NFILZ: variants seen among roughly 807,000 people sequenced by gnomAD.
The protein encoded by NFILZ is NFIL3 like basic leucine zipper.
At chr19:8,657,482 G>A (rs782269010) in intron 3 of NFILZ, among the ~76,000 whole-genome samples, 1 of 152,006 alleles carries the variant, frequency 6.6e-6, no homozygotes, top group Admixed American at 6.6e-5. Context: ...TGATGGTTGC[G>A]GGGACGTGAC....
chr19:8,669,335 T>C (rs1172138419), intron 3 of NFILZ, among the ~76,000 whole-genome samples: 6 of 152,198 alleles, frequency 3.9e-5, no homozygotes, highest in Non-Finnish European at 8.8e-5. Context: ...CTTACCTTAT[T>C]TATTCCTTAT....
chr19:8,666,189 A>G (rs781960803), intron 3 of NFILZ, among the ~76,000 whole-genome samples: 80 of 152,086 alleles, frequency 5.3e-4, no homozygotes, highest in Non-Finnish European at 6.9e-4. Context: ...AAGTCTTCAT[A>G]GGAGACTATG....
intron 3 of NFILZ, among the ~76,000 whole-genome samples, chr19:8,652,431 G>A (rs149332538): frequency 5.9e-5 from 9 of 152,268 alleles, no homozygotes; most frequent in African/African-American, 1.9e-4. Context: ...TGAAACCAGC[G>A]GAGCATTGCA....
At chr19:8,654,026 T>C (rs2042980911) in intron 3 of NFILZ, among the ~76,000 whole-genome samples, 1 of 151,846 alleles carries the variant, frequency 6.6e-6, no homozygotes, top group African/African-American at 2.4e-5. Context: ...GTCAGGAGTT[T>C]GAGAACCAGC....
intron 3 of NFILZ, among the ~76,000 whole-genome samples, chr19:8,653,788 G>A (rs2042979874): frequency 6.6e-6 from 1 of 152,214 alleles, no homozygotes; most frequent in African/African-American, 2.4e-5. Context: ...CAAACGCATA[G>A]AATGGCATCA....
chr19:8,647,927 C>T (rs546159554), intron 3 of NFILZ, among the ~76,000 whole-genome samples: 1 of 151,832 alleles, frequency 6.6e-6, no homozygotes, highest in Admixed American at 6.6e-5. Context: ...AATCCCAGCA[C>T]TTTGGGAGGC....
intron 1 of NFILZ, among the ~76,000 whole-genome samples, chr19:8,632,100 C>G (rs1555745617): frequency 6.6e-6 from 1 of 151,978 alleles, no homozygotes; most frequent in African/African-American, 2.4e-5. Flanking sequence ...AACTCCTGAC[C>G]TCAGGTGATC....
intron 3 of NFILZ, among the ~76,000 whole-genome samples, chr19:8,646,796 G>A (rs2042940842): frequency 6.6e-6 from 1 of 152,202 alleles, no homozygotes; most frequent in South Asian, 2.1e-4. Context: ...TGTCTAAAAT[G>A]CCCTTCCTCT....
chr19:8,662,803 A>AT (rs797040601), intron 3 of NFILZ, among the ~76,000 whole-genome samples: 12 of 149,448 alleles, frequency 8.0e-5, no homozygotes, highest in African/African-American at 3.0e-4. Context: ...TGCCCAGCTA[A>AT]TTTTTGCATT....
intron 3 of NFILZ, among the ~76,000 whole-genome samples, chr19:8,646,640 C>T (rs561044171): frequency 2.0e-5 from 3 of 152,254 alleles, no homozygotes; most frequent in South Asian, 2.1e-4. Context: ...CCACTGTGGC[C>T]GGCAAGCCCT....
chr19:8,672,454 C>A (rs531069814), intron 3 of NFILZ, among the ~76,000 whole-genome samples: 2 of 144,548 alleles, frequency 1.4e-5, no homozygotes, highest in African/African-American at 5.1e-5. Context: ...TTAGTTCATT[C>A]AAAAAATCCA....
intron 3 of NFILZ, among the ~76,000 whole-genome samples, chr19:8,643,534 A>G (rs35848744): frequency 0.14 from 21,360 of 152,222 alleles, 1,641 homozygotes; most frequent in Non-Finnish European, 0.17. Flanking sequence ...GTGCTCCCCA[A>G]TGTGGGCAGA....
chr19:8,675,787 G>A lies in NFILZ; in HGVS notation c.-113-572G>A, dbSNP rs147343964. ...CTCTAAAAAAATTGCTTTTTTGTTG[G>A]TTGGATGAATGGATGGACCCATGGA... is the stretch of plus-strand genomic sequence containing the variant. On this transcript the variant is annotated intron_variant, in intron 4 of 5. Coordinates refer to ENST00000691075, the MANE Select transcript of NFILZ (RefSeq NM_001378600.1). Among the ~76,000 whole-genome samples the A allele has an allele frequency of 1.8e-3, 274 of 152,212 alleles. 1 individual carries two copies. Among genetic ancestry groups the A allele is most frequent in the African/African-American group, 6.3e-3 (260 of 41,536 alleles).
chr19:8,664,056 G>A (rs2043050213), intron 3 of NFILZ, among the ~76,000 whole-genome samples: 1 of 152,116 alleles, frequency 6.6e-6, no homozygotes, highest in Non-Finnish European at 1.5e-5. Flanking sequence ...AATTTTGCTG[G>A]GAGTGAGTTT....
chr19:8,662,542 G>A (rs942528281), intron 3 of NFILZ, among the ~76,000 whole-genome samples: 8 of 152,122 alleles, frequency 5.3e-5, no homozygotes, highest in African/African-American at 1.9e-4. Context: ...GAGTGAGTGA[G>A]TGTGGGAGGG....
rs1600151990 is a variant in NFILZ, at chr19:8,663,756, G to GTGTATGTGTGTA, written c.-163-10792_-163-10791insATGTGTGTATGT. Among the ~76,000 whole-genome samples, 33 of 148,330 alleles carry GTGTATGTGTGTA rather than the reference G, an allele frequency of 2.2e-4. No homozygotes were observed. The South Asian group carries it at 3.6e-3, about 16-fold the overall frequency. On this transcript the variant is annotated intron_variant, in intron 3 of 5. Transcript: ENST00000691075. Reference sequence around the variant, plus strand: ...TGTGTGTGTGTGTGTGTGTGTGTGTGTGTGTGTGTGTGTGTATGTATGTGT... The same window carrying GTGTATGTGTGTA: ...TGTGTGTGTGTGTGTGTGTGTGTGTGTGTATGTGTGTATGTGTGTGTGTGTGTATGTATGTGT...
chr19:8,676,727 C>T (rs2043111642), intron 5 of NFILZ, 24 bp from the exon 6 acceptor site: 1 of 152,388 alleles, frequency 6.6e-6, no homozygotes, highest in African/African-American at 2.4e-5. Flanking sequence ...GCCATTACTC[C>T]AAGAACTCTT....
intron 3 of NFILZ, among the ~76,000 whole-genome samples, chr19:8,648,171 CAAAAAAAAAAAAAAA>C (rs56776806): frequency 1.5e-5 from 1 of 68,536 alleles, no homozygotes; most frequent in African/African-American, 6.0e-5. Context: ...GACTCCGTCT[CAAAAAAAAAAAAAAA>C]AAAAAAAAGG....
chr19:8,661,373 C>T (rs2043031403), intron 3 of NFILZ, among the ~76,000 whole-genome samples: 1 of 151,498 alleles, frequency 6.6e-6, no homozygotes, highest in Non-Finnish European at 1.5e-5. Flanking sequence ...CAGGCTTATA[C>T]CATATTTTCT....
Sources: allele counts gnomAD v4.1 joint callset (sites outside exome capture counted in the v4.1 genomes callset), GRCh38; gene constraint gnomAD v4.1.1; transcripts MANE v1.5; gene names NCBI Gene and HGNC (gene_info 2026-07-23, HGNC 2026-07-21).